CAMKMT: variants seen among roughly 807,000 people sequenced by gnomAD.
The protein encoded by CAMKMT is calmodulin-lysine N-methyltransferase, also known as CaM KMT.
In CAMKMT, 53 loss-of-function variants were observed where a neutral mutation model predicts 48.0. The observed-to-expected ratio is 1.10, with a 90% CI of 0.89 to 1.39. The LOEUF is 1.39. CAMKMT is among the 40% of genes most tolerant of loss of function. The probability of loss-of-function intolerance (pLI) is 0.00; values close to 1 mark genes in which losing one functional copy is unlikely to be tolerated. For missense variants in CAMKMT, 428 were observed against 402.7 expected, an observed-to-expected ratio of 1.06 and a Z score of -0.54; for synonymous variants, 165 against 152.3, an observed-to-expected ratio of 1.08 and a Z score of -0.61.
At chr2:44,602,995 C>A (rs1572898190) in intron 3 of CAMKMT, among the ~76,000 whole-genome samples, 2 of 152,110 alleles carry the variant, frequency 1.3e-5, no homozygotes, top group East Asian at 3.9e-4. Flanking sequence ...ATTTAAGCAT[C>A]ATTAACCAGA....
intron 3 of CAMKMT, among the ~76,000 whole-genome samples, chr2:44,456,065 A>G (rs1197365319): frequency 2.0e-5 from 3 of 152,194 alleles, no homozygotes; most frequent in Non-Finnish European, 2.9e-5. Context: ...GCTGTATGCT[A>G]CCAGTCTTGT....
chr2:44,588,731 G>A (rs1394064315), intron 3 of CAMKMT, among the ~76,000 whole-genome samples: 5 of 41,130 alleles, frequency 1.2e-4, no homozygotes, highest in Non-Finnish European at 2.0e-4. Flanking sequence ...CAGCCGCCCC[G>A]TCCGGGAGGT....
chr2:44,532,228 C>T (rs375721124), intron 3 of CAMKMT, among the ~76,000 whole-genome samples: 45 of 152,306 alleles, frequency 3.0e-4, no homozygotes, highest in African/African-American at 1.0e-3. Context: ...GGAACAGTCA[C>T]ATGTTTTTGT....
At chr2:44,696,349 T>C (rs562774480) in intron 3 of CAMKMT, among the ~76,000 whole-genome samples, 1 of 152,352 alleles carries the variant, frequency 6.6e-6, no homozygotes, top group South Asian at 2.1e-4. Flanking sequence ...CTGCAAATTT[T>C]GGTATGGAGT....
chr2:44,431,668 A>T (rs1684656899), intron 3 of CAMKMT, among the ~76,000 whole-genome samples: 1 of 152,168 alleles, frequency 6.6e-6, no homozygotes, highest in African/African-American at 2.4e-5. Flanking sequence ...TTCCCACAAT[A>T]GGATTGTTTT....
At chr2:44,697,652 C>G (rs1209644907) in intron 3 of CAMKMT, among the ~76,000 whole-genome samples, 2 of 152,078 alleles carry the variant, frequency 1.3e-5, no homozygotes, top group Non-Finnish European at 2.9e-5. Context: ...ATAAAATCAA[C>G]TGGGGAGTGA....
At chr2:44,493,906 A>C (rs927615016) in intron 3 of CAMKMT, among the ~76,000 whole-genome samples, 5 of 152,206 alleles carry the variant, frequency 3.3e-5, no homozygotes, top group Non-Finnish European at 7.3e-5. Context: ...TTTACTCTTC[A>C]AGTGACATTA....
At chr2:44,549,195 T>C (rs1667570856) in intron 3 of CAMKMT, among the ~76,000 whole-genome samples, 1 of 152,210 alleles carries the variant, frequency 6.6e-6, no homozygotes, top group Non-Finnish European at 1.5e-5. Flanking sequence ...CCAAAAGAGA[T>C]GATTGCAATC....
At chr2:44,376,004 T>A (rs944043072) in intron 2 of CAMKMT, among the ~76,000 whole-genome samples, 18 of 145,916 alleles carry the variant, frequency 1.2e-4, no homozygotes, top group Non-Finnish European at 2.1e-4. Flanking sequence ...GGCAGGCTGG[T>A]TTTGAACTCC....
intron 3 of CAMKMT, among the ~76,000 whole-genome samples, chr2:44,391,096 AT>A (rs1284828722): frequency 6.6e-6 from 1 of 152,158 alleles, no homozygotes; most frequent in Non-Finnish European, 1.5e-5. Flanking sequence ...CTCAAAGAAA[AT>A]TTCAGAACTG....
chr2:44,399,719 A>G (rs1433101701), intron 3 of CAMKMT, among the ~76,000 whole-genome samples: 1 of 151,938 alleles, frequency 6.6e-6, no homozygotes, highest in Non-Finnish European at 1.5e-5. Flanking sequence ...TGATTTCGTC[A>G]TGATAGAATT....
chr2:44,373,199 A>T (rs76207039), intron 2 of CAMKMT, among the ~76,000 whole-genome samples: 8,294 of 152,316 alleles, frequency 0.054, 290 homozygotes, highest in South Asian at 0.13. Flanking sequence ...TTCTGAGGCA[A>T]AGAAGGGGCT....
intron 1 of CAMKMT, chr2:44,369,690 G>T (rs1678965046): frequency 6.6e-6 from 1 of 152,172 alleles, no homozygotes; most frequent in African/African-American, 2.4e-5. Flanking sequence ...ATAGATTCTA[G>T]AAGCAAAGTA....
At chr2:44,748,313 A>G (rs1298824619) in intron 8 of CAMKMT, among the ~76,000 whole-genome samples, 3 of 152,168 alleles carry the variant, frequency 2.0e-5, no homozygotes, top group Admixed American at 6.5e-5. Flanking sequence ...TGTGATGTTA[A>G]CATCTTTGTA....
chr2:44,477,143 C>G (rs185954872), intron 3 of CAMKMT, among the ~76,000 whole-genome samples: 9 of 152,160 alleles, frequency 5.9e-5, no homozygotes, highest in Admixed American at 5.9e-4. Flanking sequence ...TGTATTTAAT[C>G]ACTATCTTTT....
chr2:44,647,198 T>C (rs57513252), intron 3 of CAMKMT, among the ~76,000 whole-genome samples: 3,311 of 152,250 alleles, frequency 0.022, 103 homozygotes, highest in African/African-American at 0.07. Context: ...ATTCCTGTGG[T>C]CAACTACAAT....
intron 3 of CAMKMT, among the ~76,000 whole-genome samples, chr2:44,544,918 C>G (rs1374673283): frequency 1.3e-5 from 2 of 152,030 alleles, no homozygotes; most frequent in Admixed American, 1.3e-4. Context: ...CCAATGATGA[C>G]TAGGTTATTA....
Position 44,521,078 on chromosome 2 carries a change from A to G in CAMKMT, c.376+130773A>G, listed in dbSNP as rs558677211. Among the ~76,000 whole-genome samples the G allele has an allele frequency of 2.7e-4, 41 of 152,320 alleles. No individual in the cohort carries two copies. The South Asian group carries it at 5.4e-3, about 20-fold the overall frequency. On this transcript the variant is annotated intron_variant, in intron 3 of 10. Coordinates refer to ENST00000378494, the MANE Select transcript of CAMKMT (RefSeq NM_024766.5). The stretch of plus-strand genomic sequence containing the variant: ...AAACTTGGTATCTTCAGCATGTACC[A>G]TGGGAATAATATCAGCACAACCTAT...
intron 3 of CAMKMT, among the ~76,000 whole-genome samples, chr2:44,603,651 A>G (rs1671125563): frequency 6.6e-6 from 1 of 152,220 alleles, no homozygotes; most frequent in Admixed American, 6.5e-5. Flanking sequence ...ATGGAGAAAG[A>G]TGGTCTCACT....
Sources: gnomAD v4.1 joint callset for allele counts (sites outside exome capture counted in the v4.1 genomes callset) on GRCh38, gnomAD v4.1.1 for gene constraint, MANE v1.5 for transcripts, NCBI Gene and HGNC (gene_info 2026-07-23, HGNC 2026-07-21) for gene names.